The following SLC16A12 variants were observed in gnomAD, a reference collection of about 807,000 sequenced individuals.
The protein encoded by SLC16A12 is solute carrier family 16 member 12.
In SLC16A12, 17 loss-of-function variants were observed where a neutral mutation model predicts 42.4. The ratio of observed to expected loss-of-function variants is 0.40; its 90% CI spans 0.27 to 0.60. SLC16A12 has a LOEUF of 0.60. Among genes scored for constraint, SLC16A12 ranks in the 20% least tolerant of loss-of-function variants. SLC16A12 has a pLI of 0.42. For synonymous variants in SLC16A12, 224 were observed against 229.4 expected, an observed-to-expected ratio of 0.98 and a Z score of 0.21; for missense variants, 544 against 623.0, an observed-to-expected ratio of 0.87 and a Z score of 1.35.
chr10:89,483,632 C>T (rs1462545217), intron 2 of SLC16A12, among the ~76,000 whole-genome samples: 1 of 150,702 alleles, frequency 6.6e-6, no homozygotes, highest in Non-Finnish European at 1.5e-5. Context: ...TAGGCTAAGG[C>T]AGGAGGATAG....
chr10:89,549,687 T>C (rs939921287), intron 2 of SLC16A12, among the ~76,000 whole-genome samples: 2 of 152,184 alleles, frequency 1.3e-5, no homozygotes, highest in African/African-American at 4.8e-5. Flanking sequence ...AATTCTAAGG[T>C]TAGCTGAAAG....
intron 3 of SLC16A12, among the ~76,000 whole-genome samples, chr10:89,444,210 A>T (rs1841960717): frequency 1.3e-5 from 2 of 152,250 alleles, no homozygotes; most frequent in Admixed American, 6.5e-5. Flanking sequence ...ACAATAAAGA[A>T]TTATATATCA....
Position 89,515,305 on chromosome 10 carries a change from G to A in SLC16A12, c.-47+19196C>T, listed in dbSNP as rs139017948. Among the ~76,000 whole-genome samples, 563 of 152,222 alleles carry A rather than the reference G, an allele frequency of 3.7e-3. 2 individuals carry two copies. Among genetic ancestry groups the A allele is most frequent in the African/African-American group, 0.012 (515 of 41,524 alleles). On this transcript the variant is annotated intron_variant, in intron 2 of 7. Transcript: ENST00000371790. The stretch of plus-strand genomic sequence containing the variant: ...CCACATTGGGAATGTTAAGACCCTT[G>A]TTCAGCAGAATTAATGCGCTCCTAG...
At chr10:89,530,698 T>C (rs547028079) in intron 2 of SLC16A12, among the ~76,000 whole-genome samples, 37 of 152,128 alleles carry the variant, frequency 2.4e-4, no homozygotes, top group Admixed American at 3.9e-4. Context: ...GGATTACAGG[T>C]GTGAGCCACG....
At chr10:89,489,165 G>A (rs930779838) in intron 2 of SLC16A12, among the ~76,000 whole-genome samples, 1 of 151,992 alleles carries the variant, frequency 6.6e-6, no homozygotes, top group African/African-American at 2.4e-5. Context: ...ACATATTAAT[G>A]CTATTTTGAC....
intron 2 of SLC16A12, among the ~76,000 whole-genome samples, chr10:89,472,487 C>CTTTTTTTTTTTTTTTTTTTTTTTTTTTTT (rs71022567): frequency 4.4e-5 from 4 of 89,896 alleles, no homozygotes; most frequent in Non-Finnish European, 4.4e-5. Context: ...TCTTTTCTTT[C>CTTTTTTTTTTTTTTTTTTTTTTTTTTTTT]TTTTTTTTTT....
chr10:89,526,449 C>T (rs1843453951), intron 2 of SLC16A12, among the ~76,000 whole-genome samples: 1 of 152,136 alleles, frequency 6.6e-6, no homozygotes, highest in Non-Finnish European at 1.5e-5. Flanking sequence ...TTATCTCTCC[C>T]CACAGGCATC....
rs75614555 is a variant in SLC16A12 at position 89,556,184 on chromosome 10, C to T, written c.-146-203G>A. On this transcript the variant is annotated intron_variant, in intron 1 of 2. Transcript: ENST00000475682. ...GTGCTAAGCACTTTTTATGCTTCCT[C>T]GCTTTCAATTCATGCTCTCAAAAGC... Among the ~76,000 whole-genome samples the T allele has an allele frequency of 5.1e-3, 773 of 152,236 alleles. 5 individuals carry two copies. Among genetic ancestry groups the T allele is most frequent in the Non-Finnish European group, 7.5e-3 (508 of 68,036 alleles).
At chr10:89,496,034 C>G (rs551439889) in intron 2 of SLC16A12, among the ~76,000 whole-genome samples, 11 of 152,118 alleles carry the variant, frequency 7.2e-5, no homozygotes, top group African/African-American at 2.7e-4. Flanking sequence ...AATGAACAAC[C>G]AAAGATCATC....
Position 89,436,259 on chromosome 10 carries a change from G to A in SLC16A12, c.1089C>T (p.Cys363=), listed in dbSNP as rs1841784673. Residue 363 remains cysteine, a synonymous_variant, in exon 7 of 8, where the codon TGC becomes TGT. Coordinates refer to ENST00000371790, the MANE Select transcript of SLC16A12 (RefSeq NM_213606.4). ...YLFAVGMDGL[C]YLCLPMLQSL... is the part of the protein sequence containing the mutation. ...TTTGAAGCATTGGGAGGCAGAGATA[G>A]CAGAGCCCATCCATTCCCACGGCAA... The A allele has an allele frequency of 6.2e-7, 1 of 1,614,026 alleles. No individual in the cohort carries two copies. Among genetic ancestry groups the A allele is most frequent in the Non-Finnish European group, 8.5e-7 (1 of 1,180,008 alleles).
chr10:89,522,408 C>T (rs1843371569), intron 2 of SLC16A12, among the ~76,000 whole-genome samples: 2 of 152,176 alleles, frequency 1.3e-5, no homozygotes, highest in Admixed American at 1.3e-4. Flanking sequence ...TTCAATTGCT[C>T]TCTTGCTAGA....
intron 3 of SLC16A12, among the ~76,000 whole-genome samples, chr10:89,456,712 C>A (rs12780185): frequency 2.6e-5 from 4 of 152,020 alleles, no homozygotes; most frequent in Non-Finnish European, 5.9e-5. Context: ...CACTCCCCCA[C>A]CCCGACAGGC....
At chr10:89,527,479 CCT>C (rs1843472664) in intron 2 of SLC16A12, among the ~76,000 whole-genome samples, 2 of 146,446 alleles carry the variant, frequency 1.4e-5, no homozygotes. Context: ...TGAGACTCCA[CCT>C]CAAAAAAAAA....
intron 2 of SLC16A12, among the ~76,000 whole-genome samples, chr10:89,483,741 AAAAAAAAAAAAAC>A (rs1291296841): frequency 6.9e-5 from 10 of 145,900 alleles, no homozygotes; most frequent in African/African-American, 2.5e-4. Flanking sequence ...CTGCCTCTAA[AAAAAAAAAAAAAC>A]AAAAAAAAAA....
intron 2 of SLC16A12, among the ~76,000 whole-genome samples, chr10:89,489,384 G>A (rs1842812786): frequency 1.3e-5 from 2 of 151,960 alleles, no homozygotes; most frequent in Non-Finnish European, 2.9e-5. Flanking sequence ...CTGTCACCCA[G>A]GCTGGAGTGC....
rs1841716125 is a variant in SLC16A12 at position 89,432,985 on chromosome 10, TAA to T, written c.*77_*78del. On this transcript the variant is annotated 3_prime_UTR_variant, in exon 8 of 8. Transcript: ENST00000371790. Reference sequence around the variant, plus strand: ...TTGGAAGGCAATCCTTCTGCCAAAATAAAAAGTTTCAGAAACATGAAGAATCT... The same window carrying T: ...TTGGAAGGCAATCCTTCTGCCAAAATAAAGTTTCAGAAACATGAAGAATCT... 4.5e-6 allele frequency: 7 copies of T among 1,569,876 alleles called. No individual in the cohort carries two copies. Among genetic ancestry groups the T allele is most frequent in the Admixed American group, 2.0e-5 (1 of 50,084 alleles).
chr10:89,471,328 T>C (rs1842490289), intron 2 of SLC16A12, among the ~76,000 whole-genome samples: 1 of 152,224 alleles, frequency 6.6e-6, no homozygotes, highest in Non-Finnish European at 1.5e-5. Context: ...GTTGTCAATA[T>C]AGATTGCTTT....
intron 6 of SLC16A12, among the ~76,000 whole-genome samples, chr10:89,438,334 T>C (rs1841838885): frequency 6.6e-6 from 1 of 152,256 alleles, no homozygotes; most frequent in Admixed American, 6.5e-5. Flanking sequence ...TGTTTACATA[T>C]TGTCTGTGGC....
At chr10:89,491,605 A>G (rs552196109) in intron 2 of SLC16A12, among the ~76,000 whole-genome samples, 1 of 152,240 alleles carries the variant, frequency 6.6e-6, no homozygotes, top group East Asian at 1.9e-4. Flanking sequence ...CACTACAAAC[A>G]GACAATTTTA....
Sources: gnomAD v4.1 joint callset for allele counts (sites outside exome capture counted in the v4.1 genomes callset) on GRCh38, gnomAD v4.1.1 for gene constraint, MANE v1.5 for transcripts, NCBI Gene and HGNC (gene_info 2026-07-23, HGNC 2026-07-21) for gene names.